The following NEB variants were observed in gnomAD, a reference collection of about 807,000 sequenced individuals.
The protein encoded by NEB is nebulin, also known as nemaline myopathy type 2.
A neutral mutation model predicts 952.2 loss-of-function variants in NEB; 512 were observed. The observed-to-expected ratio is 0.54, with a 90% CI of 0.50 to 0.58. The LOEUF (loss-of-function observed/expected upper bound fraction) is 0.58, where lower values mean the gene tolerates loss of function less well. Among genes scored for constraint, NEB ranks in the 20% least tolerant of loss-of-function variants. The pLI is 0.00. For missense variants in NEB, 8,428 were observed against 9,231.1 expected, an observed-to-expected ratio of 0.91 and a Z score of 3.56; for synonymous variants, 2,900 against 3,149.8, an observed-to-expected ratio of 0.92 and a Z score of 2.66.
At chr2:151,726,238 A>G (rs1485647447) in intron 5 of NEB, among the ~76,000 whole-genome samples, 2 of 152,244 alleles carry the variant, frequency 1.3e-5, no homozygotes, top group Non-Finnish European at 2.9e-5. Context: ...CAGAAATTCT[A>G]GGTTCATGGG....
rs767355230 is a variant in NEB, at chr2:151,547,450, A to G, written c.20346T>C (p.Tyr6782=). The change falls in exon 133 of 182, where the codon TAT becomes TAC. Residue 6782 remains tyrosine (Y), a synonymous_variant. Coordinates refer to ENST00000397345, the MANE Select transcript of NEB (RefSeq NM_001164508.2). The part of the protein sequence containing the change: ...PYTPQVIHCR[Y]VGDITSDIKY... Reference sequence around the variant, plus strand: ...TTACATCACTGGTGATGTCTCCCACATAGCGGCAATGGATCACTTGGGGTG... The same window carrying G: ...TTACATCACTGGTGATGTCTCCCACGTAGCGGCAATGGATCACTTGGGGTG... 36 of 1,603,032 alleles carry G rather than the reference A, an allele frequency of 2.2e-5. No individual in the cohort carries two copies. The highest frequency in any genetic ancestry group is 2.1e-4 in the Admixed American group (12 of 58,478).
intron 107 of NEB, among the ~76,000 whole-genome samples, chr2:151,573,953 T>C (rs1394407438): frequency 6.6e-6 from 1 of 152,118 alleles, no homozygotes; most frequent in Non-Finnish European, 1.5e-5. Flanking sequence ...AATATTTATC[T>C]TCTGTTCTTA....
intron 146 of NEB, among the ~76,000 whole-genome samples, chr2:151,528,689 C>G (rs1301195025): frequency 6.6e-6 from 1 of 152,208 alleles, no homozygotes; most frequent in Non-Finnish European, 1.5e-5. Flanking sequence ...GAAGTCAGTG[C>G]TCATCTAAAT....
rs112675925 is a variant in NEB at position 151,487,127 on chromosome 2, T to C, written c.25405-1194A>G. ...GCTAATTTTATTTATGGCCTTTTTC[T>C]ACCTTTCGAAGAGGTCAGTCTTGTA... On this transcript the variant is annotated intron_variant, in intron 181 of 181. Coordinates refer to ENST00000397345, the MANE Select transcript of NEB (RefSeq NM_001164508.2). Among the ~76,000 whole-genome samples the C allele has an allele frequency of 5.5e-3, 837 of 152,324 alleles. 7 individuals are homozygous for C. Among genetic ancestry groups the C allele is most frequent in the African/African-American group, 0.019 (798 of 41,580 alleles).
At chr2:151,521,339 C>G (rs549721052) in intron 153 of NEB, among the ~76,000 whole-genome samples, 1 of 152,102 alleles carries the variant, frequency 6.6e-6, no homozygotes, top group Admixed American at 6.5e-5. Context: ...CTGAGACACA[C>G]AAAGTAAAGG....
At chr2:151,685,986 T>C (rs1302382913) in intron 27 of NEB, among the ~76,000 whole-genome samples, 5 of 152,232 alleles carry the variant, frequency 3.3e-5, no homozygotes, top group Admixed American at 6.5e-5. Context: ...TTTCACTGAA[T>C]ACATTTATTA....
rs185496567 is a variant in NEB at position 151,729,622 on chromosome 2, G to C, written c.71C>G (p.Pro24Arg). The C allele has an allele frequency of 1.9e-6, 3 of 1,613,224 alleles. No homozygotes were observed. Among genetic ancestry groups the C allele is most frequent in the Admixed American group, 3.3e-5 (2 of 59,962 alleles). The change falls in exon 4 of 182, where the codon CCG becomes CGG. Residue 24 changes from proline to arginine, a missense_variant. By Grantham distance (103) the Pro-to-Arg change is moderately radical. Around this residue, in one of 11 missense-constraint regions of NEB, gnomAD observed 2,851 missense variants for 2,791.5 expected, o/e 1.02. Coordinates refer to ENST00000397345, the MANE Select transcript of NEB (RefSeq NM_001164508.2). ...YTEEVVYEEV[P>R]GETITKIYET... is the part of the protein sequence containing the mutation. ...CTGTGGGCTGGGCCTTACCTCTCCC[G>C]GCACCTCTTCGTAAACCACTTCTTC... is the stretch of plus-strand genomic sequence containing the variant.
rs2049708744 is a variant in NEB, at chr2:151,485,646, G to A, written c.*114C>T. 2.0e-6 allele frequency: 2 copies of A among 1,024,732 alleles called. No homozygotes were observed. The highest frequency in any genetic ancestry group is 3.2e-5 in the African/African-American group (2 of 62,814). The allele number at this position is 1,024,732 out of a possible 1,614,324, so 63.5% of individuals were successfully genotyped here. On this transcript the variant is annotated 3_prime_UTR_variant, in exon 182 of 182. Transcript: ENST00000397345. ...GGATGGTACTACCATAAATCACATT[G>A]ACACAGAAAAACCATAGGCAGCTTG...
chr2:151,543,145 T>A (rs946242038), intron 135 of NEB, among the ~76,000 whole-genome samples: 7 of 152,206 alleles, frequency 4.6e-5, no homozygotes, highest in African/African-American at 1.7e-4. Flanking sequence ...GGTACGATCC[T>A]TTCATCAACT....
chr2:151,496,970 C>T lies in NEB; in HGVS notation c.24364G>A (p.Val8122Ile). The T allele has an allele frequency of 1.3e-6, 2 of 1,580,046 alleles. No individual in the cohort carries two copies. Among genetic ancestry groups the T allele is most frequent in the South Asian group, 2.3e-5 (2 of 86,600 alleles). The stretch of plus-strand genomic sequence containing the variant: ...CTAATATTTTCTTGATTGTGTTTGA[C>T]TCTCTCCATCTCAGGAGTGACAGGT... ...PLPVTPEMER[V>I]KHNQENISSV... Residue 8122 changes from valine (V) to isoleucine (I), a missense_variant, in exon 172 of 182, where the codon GTC (valine) becomes ATC (isoleucine). Val to Ile is a conservative substitution (Grantham distance 29, BLOSUM62 3). Around this residue, in one of 11 missense-constraint regions of NEB, gnomAD observed 3,374 missense variants for 3,651.5 expected, o/e 0.92. Transcript: ENST00000397345.
In NEB at chr2:151,546,429, C is replaced by T; in HGVS notation, c.20382G>A (p.Glu6794=). 6.2e-7 allele frequency: 1 copy of T among 1,612,510 alleles called. No individual in the cohort carries two copies. The highest frequency in any genetic ancestry group is 8.5e-7 in the Non-Finnish European group (1 of 1,178,668). The change falls in exon 134 of 182, where the codon GAG becomes GAA. Residue 6794 remains glutamate (E), a synonymous_variant. Coordinates refer to ENST00000397345, the MANE Select transcript of NEB (RefSeq NM_001164508.2). ...CAAATCCCTTCAGGACCTGCAAGTC[C>T]TCTTTGTATTTAATCTGAGAGGCAA... ...GDITSDIKYK[E]DLQVLKGFGC...
At chr2:151,551,620 CAT>C in intron 129 of NEB, 116 bp downstream of exon 129, 1 of 761,204 alleles carries the variant, frequency 1.3e-6, no homozygotes, top group Non-Finnish European at 2.2e-6. Flanking sequence ...TTTTTCACCT[CAT>C]GTGAATAGAA....
At chr2:151,530,707 C>A (rs1435536316) in intron 145 of NEB, 2 of 302,784 alleles carry the variant, frequency 6.6e-6, no homozygotes, top group East Asian at 5.9e-5. Context: ...ACACAATAGC[C>A]CAGCTCCCAG....
chr2:151,679,753 C>T lies in NEB; in HGVS notation c.3223G>A (p.Ala1075Thr), dbSNP rs1419990487. The stretch of plus-strand genomic sequence containing the variant: ...GCCGCCTGCCTGGCAGCTTTGGCAG[C>T]TCTGATGGGAATCGCATCAGTTCTC... ...DLRTDAIPIR[A>T]AKAARQAASD... The change falls in exon 32 of 182, where the codon GCT (alanine) becomes ACT (threonine). Residue 1075 changes from alanine (A) to threonine (T), a missense_variant. By Grantham distance (58) the Ala-to-Thr change is moderately conservative. Transcript: ENST00000397345. The T allele has an allele frequency of 6.2e-7, 1 of 1,612,542 alleles. No homozygotes were observed. The highest frequency in any genetic ancestry group is 8.5e-7 in the Non-Finnish European group (1 of 1,179,272).
rs761683927 is a variant in NEB at position 151,526,208 on chromosome 2, C to G, written c.22000G>C (p.Asp7334His). 4.3e-6 allele frequency: 7 copies of G among 1,613,916 alleles called. No homozygotes were observed. Among genetic ancestry groups the G allele is most frequent in the Non-Finnish European group, 4.2e-6 (5 of 1,179,844 alleles). Residue 7334 changes from aspartate (D) to histidine (H), a missense_variant, in exon 149 of 182, where the codon GAC (aspartate) becomes CAC (histidine). This residue lies in a region of NEB where 3,374 missense variants were observed against 3,651.5 expected (regional missense o/e 0.92). Transcript: ENST00000397345. Reference sequence around the variant, plus strand: ...TTCGCCAGCAGGATCTGAGGCGTGTCAGGTACGGCATGGCAGGTTCCTCTT... The same window carrying G: ...TTCGCCAGCAGGATCTGAGGCGTGTGAGGTACGGCATGGCAGGTTCCTCTT... ...KERGTCHAVP[D>H]TPQILLAKTV...
chr2:151,519,471 C>T (rs1455119210), intron 154 of NEB, among the ~76,000 whole-genome samples, 187 bp downstream of exon 154: 3 of 151,940 alleles, frequency 2.0e-5, no homozygotes, highest in South Asian at 2.1e-4. Flanking sequence ...CAGGAGCTGA[C>T]GGGAGGAGGG....
At chr2:151,684,268 T>C (rs1180615515) in intron 28 of NEB, among the ~76,000 whole-genome samples, 1 of 152,188 alleles carries the variant, frequency 6.6e-6, no homozygotes, top group African/African-American at 2.4e-5. Context: ...AGTATTCAGT[T>C]GTGTGGTTTG....
chr2:151,644,105 T>C lies in NEB; in HGVS notation c.7669A>G (p.Lys2557Glu). 5 of 1,613,914 alleles carry C rather than the reference T, an allele frequency of 3.1e-6. No homozygotes were observed. The highest frequency in any genetic ancestry group is 4.2e-6 in the Non-Finnish European group (5 of 1,179,802). ...GCACCAATGTGGTGGCCGAGCTGCT[T>C]GCGAAAGCCTTCCTTGTACTTGTAC... ...SEYKYKEGFR[K>E]QLGHHIGARN... is the part of the protein sequence containing the mutation. Residue 2557 changes from lysine to glutamate, a missense_variant, in exon 57 of 182, where the codon AAG (lysine) becomes GAG (glutamate). By Grantham distance (56) the Lys-to-Glu change is moderately conservative. Transcript: ENST00000397345.
At chr2:151,557,609 A>C (rs1032189845) in intron 124 of NEB, among the ~76,000 whole-genome samples, 8 of 152,252 alleles carry the variant, frequency 5.3e-5, no homozygotes, top group Non-Finnish European at 1.2e-4. Flanking sequence ...CATCGATGTG[A>C]AAATACTCAA....
Sources: gnomAD v4.1 joint callset for allele counts (sites outside exome capture counted in the v4.1 genomes callset) on GRCh38, gnomAD v4.1.1 for gene constraint, gnomAD v4.1.1 regional missense constraint, MANE v1.5 for transcripts, NCBI Gene and HGNC (gene_info 2026-07-23, HGNC 2026-07-21) for gene names.